The following DCP2 variants were observed in gnomAD, a reference collection of about 807,000 sequenced individuals.
DCP2 encodes the protein m7GpppN-mRNA hydrolase.
In DCP2, 30 loss-of-function variants were observed where a neutral mutation model predicts 56.1. The observed-to-expected ratio is 0.53, with a 90% CI of 0.40 to 0.73. The LOEUF is 0.73. DCP2 is among the 30% of genes least tolerant of loss of function. The pLI is 0.00. For missense variants in DCP2, 533 were observed against 502.7 expected (o/e 1.06, Z -0.58); for synonymous variants, 197 against 163.3 (o/e 1.21, Z -1.57).
chr5:113,000,992 C>A, intron 4 of DCP2, 92 bp from the exon 5 acceptor site: 1 of 1,258,188 alleles, frequency 7.9e-7, no homozygotes. Context: ...GTCATGTCCC[C>A]TTTTTCTGAG....
chr5:113,002,723 A>G (rs1030554236), intron 7 of DCP2, among the ~76,000 whole-genome samples: 4 of 151,942 alleles, frequency 2.6e-5, no homozygotes, highest in East Asian at 2.0e-4. Context: ...GGCTCTCCCT[A>G]TGCTGCCCAG....
chr5:113,013,307 T>C lies in DCP2; in HGVS notation c.1100-14T>C, dbSNP rs774492120. On this transcript the variant is annotated splice_polypyrimidine_tract_variant and intron_variant, in intron 10 of 10. Transcript: ENST00000389063. ...GGTTACTGAGCTTATTTATTTTGTT[T>C]TTTCTTTAAACAGATGCTGTATATG... is the stretch of plus-strand genomic sequence containing the variant. 1.3e-6 allele frequency: 2 copies of C among 1,596,332 alleles called. No homozygotes were observed. Among genetic ancestry groups the C allele is most frequent in the Non-Finnish European group, 1.7e-6 (2 of 1,170,904 alleles).
At chr5:112,992,806 C>T in intron 4 of DCP2, 36 bp downstream of exon 4, 1 of 1,495,472 alleles carries the variant, frequency 6.7e-7, no homozygotes, top group Non-Finnish European at 8.9e-7. Flanking sequence ...GTAAATTTGG[C>T]TATTAGGGTC....
At chr5:112,983,238 G>A (rs1748094140) in intron 1 of DCP2, among the ~76,000 whole-genome samples, 1 of 152,126 alleles carries the variant, frequency 6.6e-6, no homozygotes, top group African/African-American at 2.4e-5. Flanking sequence ...AGACTACTTG[G>A]TTCTGAAAGT....
rs1460762071 is a variant in DCP2, at chr5:113,020,514, T to C, written c.*7030T>C. On this transcript the variant is annotated 3_prime_UTR_variant, in exon 11 of 11. Transcript: ENST00000389063. The stretch of plus-strand genomic sequence containing the variant: ...TCACCTTGTTATAAGAACAGAAACA[T>C]TTGGAACAGGTTTCATTCTGTTTCT... 1 of 152,216 alleles carries C rather than the reference T, an allele frequency of 6.6e-6. No individual in the cohort carries two copies. The highest frequency in any genetic ancestry group is 1.5e-5 in the Non-Finnish European group (1 of 68,032). The allele number at this position is 152,216 out of a possible 1,614,324, so 9.4% of individuals were successfully genotyped here.
chr5:113,001,287 AG>A (rs1749165793), intron 5 of DCP2, 51 bp downstream of exon 5: 1 of 1,598,436 alleles, frequency 6.3e-7, no homozygotes, highest in African/African-American at 1.4e-5. Context: ...CAAATGAATA[AG>A]TAGGGAAATC....
Position 113,001,449 on chromosome 5 carries a change from T to A in DCP2, c.678T>A (p.Phe226Leu). Residue 226 changes from phenylalanine (F) to leucine (L), a missense_variant, in exon 6 of 11, where the codon TTT becomes TTA. Physicochemically the swap from Phe to Leu is conservative, Grantham distance 22. This residue lies in a region of DCP2 where 392 missense variants were observed against 346.6 expected (regional missense o/e 1.13). Transcript: ENST00000389063. ...TTGGTTTGGCACCTAACAAATTTTT[T>A]ATGGCCATTCCCTTTATCAGGTGTG... is the stretch of plus-strand genomic sequence containing the variant. ...SKLGLAPNKF[F>L]MAIPFIRPLR... 6.2e-7 allele frequency: 1 copy of A among 1,613,902 alleles called. No homozygotes were observed. The highest frequency in any genetic ancestry group is 8.5e-7 in the Non-Finnish European group (1 of 1,179,894).
At chr5:113,001,934 G>C (rs1188728237) in intron 7 of DCP2, among the ~76,000 whole-genome samples, 1 of 152,004 alleles carries the variant, frequency 6.6e-6, no homozygotes, top group East Asian at 1.9e-4. Context: ...TAGAACACTA[G>C]GAAAGGAAAA....
chr5:112,993,047 AT>A (rs1748668986), intron 4 of DCP2, among the ~76,000 whole-genome samples: 1 of 151,246 alleles, frequency 6.6e-6, no homozygotes, highest in African/African-American at 2.4e-5. Context: ...TCCCTTTAGA[AT>A]TAGATTTCCT....
chr5:113,013,247 C>G, intron 10 of DCP2, 74 bp from the exon 11 acceptor site: 3 of 1,469,252 alleles, frequency 2.0e-6, no homozygotes, highest in Non-Finnish European at 2.7e-6. Context: ...TGTTTTGTAA[C>G]AAAAGGCAAA....
chr5:113,017,858 C>A lies in DCP2; in HGVS notation c.*4374C>A, dbSNP rs558831368. 6.6e-6 allele frequency: 1 copy of A among 151,990 alleles called. No homozygotes were observed. The highest frequency in any genetic ancestry group is 1.5e-5 in the Non-Finnish European group (1 of 68,014). 9.4% of individuals were successfully genotyped at this position (151,990 alleles called of 1,614,324 possible). A position where few individuals can be genotyped will look rare whatever the true frequency, so the allele number is the denominator to read the frequency against. On this transcript the variant is annotated 3_prime_UTR_variant, in exon 11 of 11. Transcript: ENST00000389063. ...TCTATATCTATACATATATATGTAT[C>A]GCCATTATCGAGTGTTTTCTAGCCC... is the stretch of plus-strand genomic sequence containing the variant.
At chr5:112,994,206 C>G (rs1275957532) in intron 4 of DCP2, among the ~76,000 whole-genome samples, 1 of 107,116 alleles carries the variant, frequency 9.3e-6, no homozygotes, top group African/African-American at 3.7e-5. Context: ...GGGTCTTGCT[C>G]TGTTACTGAG....
intron 10 of DCP2, among the ~76,000 whole-genome samples, chr5:113,012,002 G>C (rs1749697280): frequency 6.6e-6 from 1 of 152,170 alleles, no homozygotes; most frequent in African/African-American, 2.4e-5. Context: ...AAAGTTATGG[G>C]GGTATAAGTC....
At chr5:112,977,781 C>T (rs1243585351) in intron 1 of DCP2, among the ~76,000 whole-genome samples, 2 of 152,172 alleles carry the variant, frequency 1.3e-5, no homozygotes, top group African/African-American at 4.8e-5. Context: ...ATTTGGAGTG[C>T]AGTGATACCC....
intron 2 of DCP2, among the ~76,000 whole-genome samples, chr5:112,991,665 A>G (rs1483809031): frequency 6.6e-6 from 1 of 152,140 alleles, no homozygotes; most frequent in Non-Finnish European, 1.5e-5. Context: ...TCTCTTAGCA[A>G]TATATTTTCT....
At chr5:112,977,356 G>A (rs962607735) in intron 1 of DCP2, among the ~76,000 whole-genome samples, 1 of 152,026 alleles carries the variant, frequency 6.6e-6, no homozygotes, top group African/African-American at 2.4e-5. Context: ...TTTCCACGCC[G>A]TGCACCCCCT....
At chr5:113,011,548 T>C (rs1749681353) in intron 10 of DCP2, among the ~76,000 whole-genome samples, 1 of 152,220 alleles carries the variant, frequency 6.6e-6, no homozygotes, top group Non-Finnish European at 1.5e-5. Context: ...AAGGCTTTCA[T>C]ATAGAAAAGC....
chr5:113,008,547 C>T (rs1749544597), intron 9 of DCP2, among the ~76,000 whole-genome samples: 1 of 152,108 alleles, frequency 6.6e-6, no homozygotes, highest in Non-Finnish European at 1.5e-5. Flanking sequence ...CAGTCTCCTG[C>T]GTTATCTTTT....
chr5:113,011,004 C>A (rs1749659901), intron 10 of DCP2, among the ~76,000 whole-genome samples, 197 bp downstream of exon 10: 2 of 152,104 alleles, frequency 1.3e-5, no homozygotes, highest in South Asian at 2.1e-4. Context: ...AAATTACTTG[C>A]CTTCAGACTG....
Sources: allele counts gnomAD v4.1 joint callset (sites outside exome capture counted in the v4.1 genomes callset), GRCh38; gene constraint gnomAD v4.1.1; regional missense constraint gnomAD v4.1.1; transcripts MANE v1.5; gene names NCBI Gene and HGNC (gene_info 2026-07-23, HGNC 2026-07-21).